Variants in PCDH9 observed in about 807,000 individuals in gnomAD.
PCDH9 encodes protocadherin 9.
A neutral mutation model predicts 70.6 loss-of-function variants in PCDH9; 24 were observed. The ratio of observed to expected loss-of-function variants is 0.34; its 90% confidence interval spans 0.25 to 0.48. The LOEUF (loss-of-function observed/expected upper bound fraction) is 0.48. Among genes scored for constraint, PCDH9 ranks in the 20% least tolerant of loss-of-function variants. The pLI, the probability that PCDH9 is intolerant of heterozygous loss-of-function variation, is 0.99. For synonymous variants in PCDH9, 562 were observed against 558.5 expected (o/e 1.01, Z -0.09); for missense variants, 1,281 against 1,503.6 (o/e 0.85, Z 2.45).
At chr13:66,933,352 G>A (rs1277125219) in intron 2 of PCDH9, among the ~76,000 whole-genome samples, 2 of 152,112 alleles carry the variant, frequency 1.3e-5, no homozygotes, top group African/African-American at 2.4e-5. Context: ...CAATTTCTCA[G>A]CTGAACAAGG....
At chr13:67,119,478 T>C (rs1012663565) in intron 2 of PCDH9, among the ~76,000 whole-genome samples, 1 of 152,144 alleles carries the variant, frequency 6.6e-6, no homozygotes, top group Admixed American at 6.6e-5. Flanking sequence ...TTCTTAGACA[T>C]TGTCTAATAT....
At chr13:67,025,183 T>C (rs1453696531) in intron 2 of PCDH9, among the ~76,000 whole-genome samples, 1 of 152,106 alleles carries the variant, frequency 6.6e-6, no homozygotes, top group Non-Finnish European at 1.5e-5. Context: ...TGTGGTGCTA[T>C]ATGCTAATTT....
chr13:66,361,364 ATAAT>A (rs1344093535), intron 4 of PCDH9, among the ~76,000 whole-genome samples: 4 of 152,192 alleles, frequency 2.6e-5, no homozygotes, highest in African/African-American at 9.6e-5. Flanking sequence ...ATGTGGGTAA[ATAAT>A]TATTCATTCA....
intron 2 of PCDH9, among the ~76,000 whole-genome samples, chr13:66,932,733 GTA>G (rs1240558361): frequency 1.4e-4 from 20 of 145,870 alleles, no homozygotes; most frequent in Non-Finnish European, 2.4e-4. Context: ...ATTTATATGT[GTA>G]TATATATCAT....
rs1422773823 is a variant in PCDH9, at chr13:67,225,957, A to C, written c.2484T>G (p.Val828=). The change falls in exon 2 of 5, where the codon GTT becomes GTG. Residue 828 remains valine, a synonymous_variant. Coordinates refer to ENST00000377865, the MANE Select transcript of PCDH9 (RefSeq NM_203487.3). ...GCACCAGAACGGTGACGAAGATCAC[A>C]ACAATGACCACCATGGCACCGGCGA... ...AIIAGAMVVI[V]VIFVTVLVRC... is the part of the protein sequence containing the mutation. The C allele has an allele frequency of 1.9e-6, 3 of 1,614,112 alleles. No individual in the cohort carries two copies. The highest frequency in any genetic ancestry group is 3.3e-5 in the Admixed American group (2 of 60,018).
At chr13:66,684,347 G>T (rs1190437147) in intron 3 of PCDH9, among the ~76,000 whole-genome samples, 1 of 152,094 alleles carries the variant, frequency 6.6e-6, no homozygotes, top group Non-Finnish European at 1.5e-5. Context: ...CATCAATTCG[G>T]TAGTGTTGTA....
chr13:66,846,540 A>C (rs1163843117), intron 3 of PCDH9, among the ~76,000 whole-genome samples: 2 of 152,098 alleles, frequency 1.3e-5, no homozygotes, highest in Non-Finnish European at 2.9e-5. Flanking sequence ...AATATGATTC[A>C]TATTGTTTGT....
chr13:66,532,019 T>C (rs900423362), intron 4 of PCDH9, among the ~76,000 whole-genome samples: 3 of 152,094 alleles, frequency 2.0e-5, no homozygotes, highest in Admixed American at 6.6e-5. Context: ...CAGGGTTTTG[T>C]TCTTTTGCCC....
intron 2 of PCDH9, among the ~76,000 whole-genome samples, chr13:67,118,125 T>C (rs2086812454): frequency 6.6e-6 from 1 of 152,146 alleles, no homozygotes; most frequent in Non-Finnish European, 1.5e-5. Context: ...ATATCCACTA[T>C]CTTTTCAGGA....
At chr13:66,382,799 G>A (rs553432331) in intron 4 of PCDH9, among the ~76,000 whole-genome samples, 2 of 152,292 alleles carry the variant, frequency 1.3e-5, no homozygotes, top group African/African-American at 4.8e-5. Flanking sequence ...GGAAGGCCGA[G>A]GCAGGTGGAT....
At chr13:66,439,712 T>G (rs1405001795) in intron 4 of PCDH9, among the ~76,000 whole-genome samples, 3 of 152,176 alleles carry the variant, frequency 2.0e-5, no homozygotes, top group Admixed American at 2.0e-4. Context: ...TTTCATATAA[T>G]TTATTTATGG....
intron 4 of PCDH9, among the ~76,000 whole-genome samples, chr13:66,378,182 G>A (rs774382388): frequency 7.9e-5 from 12 of 152,092 alleles, no homozygotes; most frequent in Non-Finnish European, 1.5e-4. Context: ...CAATCTGTGT[G>A]TTCAAATGAA....
chr13:66,887,989 T>A, intron 3 of PCDH9, among the ~76,000 whole-genome samples: 1 of 152,212 alleles, frequency 6.6e-6, no homozygotes, highest in Non-Finnish European at 1.5e-5. Flanking sequence ...TCTATCCACA[T>A]ATTTTCTAGT....
chr13:66,525,600 G>A (rs1960180560), intron 4 of PCDH9, among the ~76,000 whole-genome samples: 1 of 151,956 alleles, frequency 6.6e-6, no homozygotes, highest in African/African-American at 2.4e-5. Context: ...TTTATTTTTA[G>A]CCCACTTACT....
intron 2 of PCDH9, among the ~76,000 whole-genome samples, chr13:67,114,920 G>A (rs973857964): frequency 2.0e-5 from 3 of 152,170 alleles, no homozygotes; most frequent in African/African-American, 7.2e-5. Flanking sequence ...TGATAAAATT[G>A]TGAACGGTTT....
At chr13:66,765,835 A>T (rs993482913) in intron 3 of PCDH9, among the ~76,000 whole-genome samples, 6 of 152,076 alleles carry the variant, frequency 3.9e-5, no homozygotes, top group Admixed American at 2.0e-4. Flanking sequence ...AGGATTGTGC[A>T]GTTTGAGTGC....
intron 2 of PCDH9, among the ~76,000 whole-genome samples, chr13:67,042,341 G>C (rs1431005768): frequency 6.6e-6 from 1 of 152,086 alleles, no homozygotes; most frequent in Non-Finnish European, 1.5e-5. Context: ...TTACAATCAT[G>C]GAGGAAGACA....
chr13:67,156,130 G>C (rs760123787), intron 2 of PCDH9, among the ~76,000 whole-genome samples: 1 of 151,962 alleles, frequency 6.6e-6, no homozygotes, highest in Non-Finnish European at 1.5e-5. Flanking sequence ...CACCCCCACC[G>C]ACCTAGATGA....
intron 4 of PCDH9, among the ~76,000 whole-genome samples, chr13:66,507,760 C>A (rs556342191): frequency 6.6e-6 from 1 of 151,992 alleles, no homozygotes; most frequent in Non-Finnish European, 1.5e-5. Context: ...CTTGCTCTGG[C>A]GCCCAGGCTG....
Sources: gnomAD v4.1 joint callset for allele counts (sites outside exome capture counted in the v4.1 genomes callset) on GRCh38, gnomAD v4.1.1 for gene constraint, MANE v1.5 for transcripts, NCBI Gene and HGNC (gene_info 2026-07-23, HGNC 2026-07-21) for gene names.